Variants in SORCS3 observed in about 807,000 individuals in gnomAD.
SORCS3 encodes the protein VPS10 domain-containing receptor SorCS3.
SORCS3 carries 57 observed loss-of-function variants against 146.3 expected under a neutral mutation model. The observed-to-expected ratio is 0.39, with a 90% CI of 0.31 to 0.49. SORCS3 has a LOEUF of 0.49. Among genes scored for constraint, SORCS3 ranks in the 20% least tolerant of loss-of-function variants. SORCS3 has a pLI of 0.92. For synonymous variants in SORCS3, 653 were observed against 618.5 expected, an observed-to-expected ratio of 1.06 and a Z score of -0.83; for missense variants, 1,341 against 1,575.5, an observed-to-expected ratio of 0.85 and a Z score of 2.52.
At chr10:104,799,701 A>C (rs1193237508) in intron 1 of SORCS3, among the ~76,000 whole-genome samples, 1 of 150,912 alleles carries the variant, frequency 6.6e-6, no homozygotes, top group Non-Finnish European at 1.5e-5. Context: ...TTTGAGATGG[A>C]GTCTCGCTCT....
At chr10:105,014,636 C>T (rs756338283) in intron 4 of SORCS3, among the ~76,000 whole-genome samples, 5 of 152,064 alleles carry the variant, frequency 3.3e-5, no homozygotes, top group Non-Finnish European at 7.4e-5. Flanking sequence ...AATAGCCATA[C>T]CATTTATAGG....
intron 1 of SORCS3, among the ~76,000 whole-genome samples, chr10:104,669,547 G>A (rs1461396294): frequency 6.6e-6 from 1 of 152,192 alleles, no homozygotes; most frequent in Non-Finnish European, 1.5e-5. Context: ...GTTCATCCAT[G>A]TTGTAATATG....
At chr10:104,750,772 G>T (rs1011010582) in intron 1 of SORCS3, among the ~76,000 whole-genome samples, 4 of 152,190 alleles carry the variant, frequency 2.6e-5, no homozygotes, top group East Asian at 1.9e-4. Context: ...ATGTTTCAGA[G>T]AATTAGTAGC....
intron 4 of SORCS3, among the ~76,000 whole-genome samples, chr10:105,003,998 C>CT (rs35604992): frequency 0.21 from 27,929 of 135,962 alleles, 3,972 homozygotes; most frequent in African/African-American, 0.34. Flanking sequence ...TCTCTTCTCT[C>CT]TCTTTTTTTT....
At chr10:105,162,565 T>C (rs2056274509) in intron 11 of SORCS3, among the ~76,000 whole-genome samples, 1 of 152,210 alleles carries the variant, frequency 6.6e-6, no homozygotes, top group Non-Finnish European at 1.5e-5. Flanking sequence ...TGTCCCTTCA[T>C]CTGGGAACCA....
At chr10:104,937,956 C>T (rs1270321655) in intron 3 of SORCS3, among the ~76,000 whole-genome samples, 2 of 152,092 alleles carry the variant, frequency 1.3e-5, no homozygotes, top group Non-Finnish European at 2.9e-5. Context: ...AGATGGAAGC[C>T]AGCCAAGTAG....
At chr10:105,020,363 A>G (rs144455756) in intron 4 of SORCS3, among the ~76,000 whole-genome samples, 48 of 152,316 alleles carry the variant, frequency 3.2e-4, no homozygotes, top group African/African-American at 1.1e-3. Flanking sequence ...TGCTGTCAGG[A>G]TGAACTACAA....
rs774580826 is a variant in SORCS3, at chr10:105,139,500, C to T, written c.1302+14C>T. 6.2e-7 allele frequency: 1 copy of T among 1,604,098 alleles called. No individual in the cohort carries two copies. Among genetic ancestry groups the T allele is most frequent in the East Asian group, 2.2e-5 (1 of 44,752 alleles). On this transcript the variant is annotated intron_variant, in intron 8 of 26. Coordinates refer to ENST00000369701, the MANE Select transcript of SORCS3 (RefSeq NM_014978.3). The stretch of plus-strand genomic sequence containing the variant: ...TCGTTGCCAAAGGTACTGCATGCAC[C>T]ACTAGCGGTCCTGGGTCCCTCTAGG...
At chr10:104,921,503 C>CTGTGTG (rs752411926) in intron 3 of SORCS3, among the ~76,000 whole-genome samples, 48 of 143,586 alleles carry the variant, frequency 3.3e-4, no homozygotes, top group Admixed American at 1.6e-3. Context: ...CTCTCTCTCT[C>CTGTGTG]TGTGTGTGTG....
intron 16 of SORCS3, among the ~76,000 whole-genome samples, chr10:105,203,256 C>T (rs2056584623): frequency 6.6e-6 from 1 of 152,138 alleles, no homozygotes; most frequent in Non-Finnish European, 1.5e-5. Context: ...TAGCAGAGTC[C>T]TTTCTGTGAC....
intron 2 of SORCS3, among the ~76,000 whole-genome samples, chr10:104,860,144 C>T (rs1488416018): frequency 8.3e-6 from 1 of 119,914 alleles, no homozygotes; most frequent in African/African-American, 3.0e-5. Context: ...GCACTATTCA[C>T]AATAGCAAAG....
intron 6 of SORCS3, among the ~76,000 whole-genome samples, chr10:105,090,416 T>C (rs2055693957): frequency 6.6e-6 from 1 of 152,224 alleles, no homozygotes; most frequent in African/African-American, 2.4e-5. Context: ...TGACCCGCTG[T>C]GTACCTTGTT....
chr10:105,008,558 T>A (rs1252577811), intron 4 of SORCS3, among the ~76,000 whole-genome samples: 1 of 152,208 alleles, frequency 6.6e-6, no homozygotes, highest in Non-Finnish European at 1.5e-5. Flanking sequence ...ACAATGTTGT[T>A]AGAGGATGCT....
At chr10:104,769,162 T>A (rs1229616552) in intron 1 of SORCS3, among the ~76,000 whole-genome samples, 1 of 152,096 alleles carries the variant, frequency 6.6e-6, no homozygotes, top group Non-Finnish European at 1.5e-5. Flanking sequence ...ACATGTAGTG[T>A]GAGAAATGTG....
At chr10:105,226,773 T>A (rs968172888) in intron 20 of SORCS3, among the ~76,000 whole-genome samples, 1 of 152,008 alleles carries the variant, frequency 6.6e-6, no homozygotes, top group Non-Finnish European at 1.5e-5. Context: ...TATTTCTTCC[T>A]GATTCAGTCT....
intron 1 of SORCS3, among the ~76,000 whole-genome samples, chr10:104,689,541 T>C (rs2016088697): frequency 6.6e-6 from 1 of 152,214 alleles, no homozygotes; most frequent in Admixed American, 6.5e-5. Flanking sequence ...TCACTGTTCA[T>C]GAGATCTCAG....
chr10:104,754,650 C>T (rs572095586), intron 1 of SORCS3, among the ~76,000 whole-genome samples: 1 of 152,158 alleles, frequency 6.6e-6, no homozygotes, highest in Non-Finnish European at 1.5e-5. Context: ...GGCTTGGGGC[C>T]TTGCTTCCTG....
intron 5 of SORCS3, among the ~76,000 whole-genome samples, chr10:105,065,169 A>T (rs1441443208): frequency 1.3e-5 from 2 of 152,130 alleles, no homozygotes; most frequent in Non-Finnish European, 2.9e-5. Context: ...CTGACCTACT[A>T]GGAAATGATG....
intron 1 of SORCS3, among the ~76,000 whole-genome samples, chr10:104,702,104 C>G (rs2016286398): frequency 6.6e-6 from 1 of 152,134 alleles, no homozygotes; most frequent in East Asian, 1.9e-4. Flanking sequence ...GATGGAGGGT[C>G]AGACTTGGCT....
Sources: allele counts gnomAD v4.1 joint callset (sites outside exome capture counted in the v4.1 genomes callset), GRCh38; gene constraint gnomAD v4.1.1; transcripts MANE v1.5; gene names NCBI Gene and HGNC (gene_info 2026-07-23, HGNC 2026-07-21).